The following HERC1 variants were observed in gnomAD, a reference collection of about 807,000 sequenced individuals.
HERC1 encodes the protein probable E3 ubiquitin-protein ligase HERC1.
HERC1 carries 160 observed loss-of-function variants against 554.3 expected under a neutral mutation model. The ratio of observed to expected loss-of-function variants is 0.29; its 90% CI spans 0.25 to 0.33. The LOEUF (loss-of-function observed/expected upper bound fraction) is 0.33. Ranked by LOEUF, HERC1 falls within the 10% of genes least tolerant of loss-of-function variation. The pLI is 1.00. For missense variants in HERC1, 4,919 were observed against 5,918.5 expected, an observed-to-expected ratio of 0.83 and a Z score of 5.54; for synonymous variants, 2,175 against 2,131.7, an observed-to-expected ratio of 1.02 and a Z score of -0.56.
At chr15:63,699,838 T>C (rs1287336406) in intron 25 of HERC1, among the ~76,000 whole-genome samples, 1 of 152,220 alleles carries the variant, frequency 6.6e-6, no homozygotes, top group Non-Finnish European at 1.5e-5. Context: ...ATATTAGCTT[T>C]AAATAAATAT....
Position 63,754,921 on chromosome 15 carries a change from T to C in HERC1, c.1631-273A>G, listed in dbSNP as rs10519220. ...CTTGTGTTGTCCTGTTTCATGCTCA[T>C]GTTGACTTGTTTTCATTACCCACTA... is the stretch of plus-strand genomic sequence containing the variant. On this transcript the variant is annotated intron_variant, in intron 6 of 77. Transcript: ENST00000443617. 0.2 allele frequency among the ~76,000 whole-genome samples: 29,838 copies of C among 152,114 alleles called. 3,202 individuals are homozygous for C. Among genetic ancestry groups the C allele is most frequent in the Non-Finnish European group, 0.23 (15,748 of 67,976 alleles).
Position 63,640,136 on chromosome 15 carries a change from C to T in HERC1, c.11901+16G>A. ...AAATCTCAGCTGCAAATAATAGCAG[C>T]TCACAGTACATTTACCATTAGAAAT... On this transcript the variant is annotated intron_variant, in intron 61 of 77. Transcript: ENST00000443617. 9.9e-6 allele frequency: 16 copies of T among 1,609,788 alleles called. No individual in the cohort carries two copies. The highest frequency in any genetic ancestry group is 6.7e-5 in the East Asian group (3 of 44,832).
In HERC1 at chr15:63,659,762, C is replaced by T. The variant is rs775087562; in HGVS notation, c.9398G>A (p.Ser3133Asn). Residue 3133 changes from serine (S) to asparagine (N), a missense_variant, in exon 47 of 78, where the codon AGT becomes AAT. Transcript: ENST00000443617. ...ASVAMVTATN[S>N]MEETLMQIGC... ...TATTTGCATCAGAGTCTCTTCCATA[C>T]TGTTGGTGGCTGTGACCATTGCTAC... 6.2e-7 allele frequency: 1 copy of T among 1,613,766 alleles called. No homozygotes were observed. Among genetic ancestry groups the T allele is most frequent in the Non-Finnish European group, 8.5e-7 (1 of 1,179,682 alleles).
chr15:63,789,086 T>G (rs902674041), intron 1 of HERC1, among the ~76,000 whole-genome samples: 25 of 106,432 alleles, frequency 2.3e-4, no homozygotes, highest in African/African-American at 7.6e-4. Flanking sequence ...AGGTTTTTTT[T>G]TTTTTTTTTT....
intron 61 of HERC1, among the ~76,000 whole-genome samples, chr15:63,639,089 A>G (rs1346143561): frequency 6.6e-6 from 1 of 152,192 alleles, no homozygotes; most frequent in East Asian, 1.9e-4. Context: ...CTCTTTGTGT[A>G]GCTGTGGGCA....
rs561826875 is a variant in HERC1, at chr15:63,628,740, T to C, written c.13042A>G (p.Ile4348Val). 9.3e-6 allele frequency: 15 copies of C among 1,613,996 alleles called. No individual in the cohort carries two copies. The African/African-American group carries it at 1.5e-4, about 16-fold the overall frequency. ...GCACTGTGGCAGCGGCCAGCCGAGA[T>C]CTGCCGAACATTTTTCCCTTGCAGA... Reference protein sequence around the residue: ...TGLQGKNVRQISAGRCHSAAW... With the variant: ...TGLQGKNVRQVSAGRCHSAAW... The change falls in exon 70 of 78, where the codon ATC (isoleucine) becomes GTC (valine). Residue 4348 changes from isoleucine to valine, a missense_variant. By Grantham distance (29) the Ile-to-Val change is conservative (BLOSUM62 3). Coordinates refer to ENST00000443617, the MANE Select transcript of HERC1 (RefSeq NM_003922.4).
rs1230225461 is a variant in HERC1 at position 63,826,801 on chromosome 15, AAAAAAAAAAAAAAATATATATATAT to A, written c.-27+7001_-27+7025del. Among the ~76,000 whole-genome samples, 608 of 84,140 alleles carry A rather than the reference AAAAAAAAAAAAAAATATATATATAT, an allele frequency of 7.2e-3. 26 individuals carry two copies. Among genetic ancestry groups the A allele is most frequent in the Non-Finnish European group, 0.011 (480 of 42,852 alleles). The allele number at this position is 84,140 out of a possible 152,430, so 55.2% of individuals were successfully genotyped here. ...ATCTCTGGTAAAAAAAAAAAAAAAA[AAAAAAAAAAAAAAATATATATATAT>A]ATATATATATATATATAAAGTATGA... On this transcript the variant is annotated intron_variant, in intron 1 of 77. Coordinates refer to ENST00000443617, the MANE Select transcript of HERC1 (RefSeq NM_003922.4).
chr15:63,660,085 G>T, intron 46 of HERC1, 149 bp from the exon 47 acceptor site: 3 of 679,678 alleles, frequency 4.4e-6, no homozygotes, highest in Non-Finnish European at 7.6e-6. Context: ...CTGGGAGGCC[G>T]AGGCGACTGG....
intron 38 of HERC1, among the ~76,000 whole-genome samples, chr15:63,673,072 T>C (rs1242497553): frequency 6.6e-6 from 1 of 152,192 alleles, no homozygotes; most frequent in African/African-American, 2.4e-5. Context: ...TTGATGCCTA[T>C]CTTTAATCTA....
intron 13 of HERC1, 57 bp from the exon 14 acceptor site, chr15:63,733,202 A>T: frequency 8.7e-7 from 1 of 1,153,672 alleles, no homozygotes; most frequent in Non-Finnish European, 1.3e-6. Flanking sequence ...AGAAAAGAAC[A>T]CAAAAGGATC....
At chr15:63,720,413 T>C (rs547547919) in intron 19 of HERC1, among the ~76,000 whole-genome samples, 2 of 152,214 alleles carry the variant, frequency 1.3e-5, no homozygotes, top group Admixed American at 1.3e-4. Context: ...TTTGACAGAT[T>C]TGCTAAATAT....
chr15:63,833,619 G>A (rs543021154), intron 1 of HERC1, among the ~76,000 whole-genome samples: 42 of 152,058 alleles, frequency 2.8e-4, no homozygotes, highest in African/African-American at 1.0e-3. Context: ...GGGACCCGGG[G>A]GATCCGCGGC....
intron 1 of HERC1, among the ~76,000 whole-genome samples, chr15:63,813,832 C>T (rs1168574982): frequency 5.9e-5 from 9 of 152,172 alleles, no homozygotes; most frequent in African/African-American, 2.2e-4. Flanking sequence ...CTTTGGGAGG[C>T]CGAGGCAGGT....
In HERC1 at chr15:63,608,835, G is replaced by C; in HGVS notation, c.*246C>G. 5.6e-6 allele frequency: 2 copies of C among 356,194 alleles called. No individual in the cohort carries two copies. Among genetic ancestry groups the C allele is most frequent in the South Asian group, 1.0e-4 (2 of 19,570 alleles). The allele number at this position is 356,194 out of a possible 1,614,324, so 22.1% of individuals were successfully genotyped here. On this transcript the variant is annotated 3_prime_UTR_variant, in exon 78 of 78. Transcript: ENST00000443617. ...ATGGTTTCATGCAAACTTATCAAAAGTGACCAAAAATATGGAGGGAAAAAC... is the reference window on the plus strand; with the variant it reads ...ATGGTTTCATGCAAACTTATCAAAACTGACCAAAAATATGGAGGGAAAAAC...
intron 37 of HERC1, among the ~76,000 whole-genome samples, chr15:63,676,673 T>C (rs925337396): frequency 2.6e-5 from 4 of 152,160 alleles, no homozygotes; most frequent in Non-Finnish European, 4.4e-5. Context: ...GGAGAATTGC[T>C]TGAACCCGGG....
chr15:63,780,071 A>G (rs2076243989), intron 1 of HERC1: 1 of 151,886 alleles, frequency 6.6e-6, no homozygotes, highest in African/African-American at 2.4e-5. Flanking sequence ...CTTCCAACAC[A>G]CTATTGAGGT....
At chr15:63,672,040 C>T (rs1444643318) in intron 39 of HERC1, among the ~76,000 whole-genome samples, 4 of 152,030 alleles carry the variant, frequency 2.6e-5, no homozygotes, top group South Asian at 4.2e-4. Context: ...CATGCCCTTT[C>T]GTTTGAAAAG....
intron 19 of HERC1, among the ~76,000 whole-genome samples, chr15:63,719,955 A>T (rs1295006869): frequency 6.6e-6 from 1 of 152,100 alleles, no homozygotes; most frequent in Non-Finnish European, 1.5e-5. Flanking sequence ...CTGGTATTTG[A>T]TGCCATAAAA....
At chr15:63,619,845 C>G (rs1177853678) in intron 74 of HERC1, among the ~76,000 whole-genome samples, 1 of 152,030 alleles carries the variant, frequency 6.6e-6, no homozygotes, top group African/African-American at 2.4e-5. Flanking sequence ...GTGATATCCC[C>G]TTTGTCATTT....
Sources: allele counts gnomAD v4.1 joint callset (sites outside exome capture counted in the v4.1 genomes callset), GRCh38; gene constraint gnomAD v4.1.1; transcripts MANE v1.5; gene names NCBI Gene and HGNC (gene_info 2026-07-23, HGNC 2026-07-21).